FARS2: variants seen among roughly 807,000 people sequenced by gnomAD.
FARS2 encodes phenylalanine--tRNA ligase, mitochondrial.
FARS2 carries 40 observed loss-of-function variants against 46.4 expected under a neutral mutation model. The ratio of observed to expected loss-of-function variants is 0.86; its 90% CI spans 0.67 to 1.12. The LOEUF (loss-of-function observed/expected upper bound fraction) is 1.12, where lower values mean the gene tolerates loss of function less well. Ranked by LOEUF, FARS2 falls within the 50% of genes most tolerant of loss-of-function variation. FARS2 has a pLI of 0.00. For missense variants in FARS2, 513 were observed against 567.9 expected (o/e 0.90, Z 0.98); for synonymous variants, 234 against 214.9 (o/e 1.09, Z -0.78).
intron 1 of FARS2, among the ~76,000 whole-genome samples, chr6:5,276,111 A>C (rs1766315327): frequency 6.6e-6 from 1 of 152,166 alleles, no homozygotes; most frequent in African/African-American, 2.4e-5. Context: ...AGTTGTAAGA[A>C]TTATTGACAC....
chr6:5,302,732 G>C (rs998691139), intron 1 of FARS2, among the ~76,000 whole-genome samples: 2 of 152,174 alleles, frequency 1.3e-5, no homozygotes, highest in African/African-American at 2.4e-5. Context: ...GACTGTGTGG[G>C]GGGCTATAAC....
At chr6:5,283,442 G>A (rs1470189359) in intron 1 of FARS2, among the ~76,000 whole-genome samples, 3 of 150,004 alleles carry the variant, frequency 2.0e-5, no homozygotes, top group Admixed American at 6.6e-5. Flanking sequence ...CTGGCTACTC[G>A]GGAGGCTGAG....
intron 1 of FARS2, among the ~76,000 whole-genome samples, chr6:5,276,208 C>A (rs78640466): frequency 0.022 from 3,278 of 152,164 alleles, 68 homozygotes; most frequent in East Asian, 0.1. Flanking sequence ...ATTAGTTTTA[C>A]CGTGTCTGGG....
intron 4 of FARS2, among the ~76,000 whole-genome samples, chr6:5,494,206 C>G (rs1425177042): frequency 6.7e-6 from 1 of 149,578 alleles, no homozygotes; most frequent in Non-Finnish European, 1.5e-5. Flanking sequence ...TTTAAATAGT[C>G]AGTGACTACT....
At chr6:5,417,557 G>C (rs967463170) in intron 3 of FARS2, among the ~76,000 whole-genome samples, 3 of 152,128 alleles carry the variant, frequency 2.0e-5, no homozygotes, top group Non-Finnish European at 1.5e-5. Context: ...GATATTCCTA[G>C]ATCTCTTCTC....
chr6:5,260,598 T>TGCCCCGGCCCCCGGGCCCCCCC, upstream of FARS2: 2 of 1,105,568 alleles, frequency 1.8e-6, no homozygotes, highest in Non-Finnish European at 2.6e-6. Flanking sequence ...GCACCCCCGG[T>TGCCCCGGCCCCCGGGCCCCCCC]CCCCGGCCCC....
upstream of FARS2, among the ~76,000 whole-genome samples, chr6:5,259,497 G>GTATA (rs1487656597): frequency 2.0e-5 from 3 of 152,238 alleles, no homozygotes; most frequent in Admixed American, 2.0e-4. Flanking sequence ...TGCAGCATGA[G>GTATA]TATATTTTCC....
chr6:5,752,465 T>C (rs1762000750), intron 6 of FARS2, among the ~76,000 whole-genome samples: 1 of 152,222 alleles, frequency 6.6e-6, no homozygotes, highest in African/African-American at 2.4e-5. Context: ...CCGAATCCAA[T>C]TAGCAGCTTT....
chr6:5,391,963 G>A (rs1760546564), intron 2 of FARS2, among the ~76,000 whole-genome samples: 3 of 152,176 alleles, frequency 2.0e-5, no homozygotes, highest in Admixed American at 2.0e-4. Context: ...TTTGCACAAG[G>A]ACAGTTAGGA....
At chr6:5,644,910 G>A (rs899772004) in intron 6 of FARS2, among the ~76,000 whole-genome samples, 22 of 152,164 alleles carry the variant, frequency 1.4e-4, no homozygotes, top group African/African-American at 5.3e-4. Context: ...GGGAATAGCT[G>A]CACACTCAGG....
chr6:5,350,104 GGTTT>G (rs1757478809), intron 1 of FARS2, among the ~76,000 whole-genome samples: 1 of 151,616 alleles, frequency 6.6e-6, no homozygotes, highest in Non-Finnish European at 1.5e-5. Flanking sequence ...GAATCAGCAA[GGTTT>G]GTTCGTTCGT....
chr6:5,302,333 TG>T (rs1169485973), intron 1 of FARS2, among the ~76,000 whole-genome samples: 1 of 152,206 alleles, frequency 6.6e-6, no homozygotes, highest in Admixed American at 6.5e-5. Flanking sequence ...CATGTCGGTC[TG>T]TGCACCACGT....
At position 5,286,562 on chromosome 6, in the gene FARS2, C is replaced by T. The variant is rs371414965; in HGVS notation, c.-22+24902C>T. On this transcript the variant is annotated intron_variant, in intron 1 of 6. Coordinates refer to ENST00000274680, the MANE Select transcript of FARS2 (RefSeq NM_006567.5). ...GTGTGAGCCACTGTGCCTGACCAAT[C>T]TGTACTTCTATTCAGAATATAAAGT... Among the ~76,000 whole-genome samples the T allele has an allele frequency of 5.3e-5, 8 of 152,244 alleles. No homozygotes were observed. The South Asian group carries it at 1.5e-3, about 28-fold the overall frequency.
At chr6:5,757,460 A>G (rs1345773262) in intron 6 of FARS2, among the ~76,000 whole-genome samples, 1 of 152,164 alleles carries the variant, frequency 6.6e-6, no homozygotes, top group African/African-American at 2.4e-5. Context: ...CTCCAAAAAA[A>G]AACTGTGCCC....
the FARS2 span, among the ~76,000 whole-genome samples, chr6:5,256,034 C>T: frequency 6.6e-6 from 1 of 151,934 alleles, no homozygotes; most frequent in Non-Finnish European, 1.5e-5. Context: ...GTGCCGACTA[C>T]AGCCCCCATT....
intron 6 of FARS2, among the ~76,000 whole-genome samples, chr6:5,724,594 G>A (rs986849851): frequency 2.6e-5 from 4 of 152,306 alleles, no homozygotes; most frequent in East Asian, 3.9e-4. Context: ...AGGAGACAGC[G>A]CATCCTGCAG....
At chr6:5,376,324 A>G (rs937789622) in intron 2 of FARS2, among the ~76,000 whole-genome samples, 1 of 152,224 alleles carries the variant, frequency 6.6e-6, no homozygotes, top group African/African-American at 2.4e-5. Context: ...GAAAATGCAA[A>G]TTAAAACAAC....
the FARS2 span, among the ~76,000 whole-genome samples, chr6:5,255,500 C>T: frequency 0.28 from 42,757 of 151,180 alleles, 7,464 homozygotes; most frequent in African/African-American, 0.5. Context: ...TTTTTAAAAG[C>T]TTTTTTTTTC....
At chr6:5,446,955 C>T (rs756716226) in intron 4 of FARS2, among the ~76,000 whole-genome samples, 15 of 152,126 alleles carry the variant, frequency 9.9e-5, no homozygotes, top group African/African-American at 1.4e-4. Flanking sequence ...GTCTGGATTA[C>T]ACCATGAAAC....
Sources: allele counts gnomAD v4.1 joint callset (sites outside exome capture counted in the v4.1 genomes callset), GRCh38; gene constraint gnomAD v4.1.1; transcripts MANE v1.5; gene names NCBI Gene and HGNC (gene_info 2026-07-23, HGNC 2026-07-21).